LGR6: variants seen among roughly 807,000 people sequenced by gnomAD.
LGR6 encodes leucine-rich repeat-containing G protein-coupled receptor 6.
A neutral mutation model predicts 69.4 loss-of-function variants in LGR6; 45 were observed. That is an observed-to-expected ratio of 0.65 (90% CI 0.51 to 0.83). The LOEUF is 0.83. Among genes scored for constraint, LGR6 ranks in the 40% least tolerant of loss-of-function variants. The pLI, the probability that LGR6 is intolerant of heterozygous loss-of-function variation, is 0.00. For synonymous variants in LGR6, 538 were observed against 555.0 expected (o/e 0.97, Z 0.43); for missense variants, 1,108 against 1,246.7 (o/e 0.89, Z 1.68).
At chr1:202,291,909 C>T (rs912330880) in intron 6 of LGR6, among the ~76,000 whole-genome samples, 2 of 152,160 alleles carry the variant, frequency 1.3e-5, no homozygotes, top group South Asian at 2.1e-4. Flanking sequence ...ACGAAAATCC[C>T]AGAAAAGTTC....
intron 1 of LGR6, among the ~76,000 whole-genome samples, chr1:202,198,550 A>C (rs1658720196): frequency 6.6e-6 from 1 of 152,170 alleles, no homozygotes; most frequent in Non-Finnish European, 1.5e-5. Flanking sequence ...GAGGGAGGGA[A>C]GCAGTCCTGT....
At chr1:202,234,873 T>C (rs998736642) in intron 3 of LGR6, among the ~76,000 whole-genome samples, 1 of 152,160 alleles carries the variant, frequency 6.6e-6, no homozygotes, top group African/African-American at 2.4e-5. Context: ...AAAGGGGTAA[T>C]TGAGTCTCCT....
chr1:202,310,480 G>A (rs1310894174), intron 16 of LGR6, 123 bp downstream of exon 16: 9 of 911,608 alleles, frequency 9.9e-6, no homozygotes, highest in Middle Eastern at 3.4e-4. Context: ...CTACAGAGGT[G>A]GGAGGAGCTG....
intron 5 of LGR6, among the ~76,000 whole-genome samples, chr1:202,276,888 A>G (rs1050722670): frequency 2.6e-5 from 4 of 152,260 alleles, no homozygotes; most frequent in African/African-American, 9.7e-5. Context: ...TGACAATTAG[A>G]TGATGCAGTC....
At chr1:202,307,081 G>GCA (rs1487185971) in intron 13 of LGR6, 142 bp downstream of exon 13, 30 of 762,310 alleles carry the variant, frequency 3.9e-5, no homozygotes, top group Admixed American at 8.5e-5. Context: ...CCCACCCCCA[G>GCA]CACACACACA....
At chr1:202,274,603 A>C (rs1221524685) in intron 4 of LGR6, among the ~76,000 whole-genome samples, 5 of 152,206 alleles carry the variant, frequency 3.3e-5, no homozygotes, top group African/African-American at 1.2e-4. Context: ...CCTGGGAGTC[A>C]GGTTAAAATC....
chr1:202,278,263 T>C (rs1665741192), intron 5 of LGR6, among the ~76,000 whole-genome samples: 1 of 152,008 alleles, frequency 6.6e-6, no homozygotes. Context: ...AGGGAAGGCA[T>C]GACTGTGAGG....
rs559738268 is a variant in LGR6 at position 202,268,655 on chromosome 1, C to G, written c.429-7651C>G. Among the ~76,000 whole-genome samples the G allele has an allele frequency of 5.9e-5, 9 of 152,282 alleles. No individual in the cohort carries two copies. The highest frequency in any genetic ancestry group is 4.2e-4 in the South Asian group (2 of 4,818). The stretch of plus-strand genomic sequence containing the variant: ...AACCAGCCCTGGGGTCGGCCAGGAG[C>G]AAACAATCAGTAATCCTGTGTCAAA... On this transcript the variant is annotated intron_variant, in intron 4 of 17. Transcript: ENST00000367278. This position sits in a 1 kb window ranked among gnomAD's most constrained non-coding sequence, Gnocchi z 4.4.
intron 1 of LGR6, among the ~76,000 whole-genome samples, chr1:202,206,329 C>T (rs745490525): frequency 5.9e-5 from 9 of 152,176 alleles, no homozygotes; most frequent in African/African-American, 9.7e-5. Context: ...TACCTGGGGC[C>T]GATGAGAGCT....
intron 4 of LGR6, among the ~76,000 whole-genome samples, chr1:202,273,348 T>C (rs1665263010): frequency 6.6e-6 from 1 of 152,132 alleles, no homozygotes; most frequent in Non-Finnish European, 1.5e-5. Flanking sequence ...AATTTACCCA[T>C]TAGGAAGGCA....
In LGR6 at chr1:202,318,670, G is replaced by A. The variant is rs757594417; in HGVS notation, c.2367G>A (p.Val789=). Residue 789 remains valine, a synonymous_variant, in exon 18 of 18, where the codon GTG becomes GTA. Transcript: ENST00000367278. Reference sequence around the variant, plus strand: ...CAGACGGGCTCCTCTACTGTCCCGTGGCCTTCCTCAGCTTTGCCTCCATGC... The same window carrying A: ...CAGACGGGCTCCTCTACTGTCCCGTAGCCTTCCTCAGCTTTGCCTCCATGC... ...IFADGLLYCP[V]AFLSFASMLG... is the part of the protein sequence containing the mutation. 6.2e-7 allele frequency: 1 copy of A among 1,613,674 alleles called. No individual in the cohort carries two copies. The highest frequency in any genetic ancestry group is 8.5e-7 in the Non-Finnish European group (1 of 1,180,028).
chr1:202,287,166 T>C (rs907929213), intron 6 of LGR6, among the ~76,000 whole-genome samples: 4 of 152,200 alleles, frequency 2.6e-5, no homozygotes, highest in African/African-American at 9.7e-5. Flanking sequence ...ATTACCACTC[T>C]CTTTTCTTCT....
At chr1:202,295,870 AGTGTGTGTGTGT>A (rs10522809) in intron 6 of LGR6, among the ~76,000 whole-genome samples, 55,615 of 143,958 alleles carry the variant, frequency 0.39, 11,746 homozygotes, top group East Asian at 0.65. Context: ...TTGGGTAATT[AGTGTGTGTGTGT>A]GTGTGTGTGT....
At chr1:202,194,252 G>T (rs1658548395) in intron 1 of LGR6, 51 bp downstream of exon 1, 1 of 1,349,472 alleles carries the variant, frequency 7.4e-7, no homozygotes, top group East Asian at 2.6e-5. Flanking sequence ...GCTGGCTAGC[G>T]CCCAGTCCCG....
intron 17 of LGR6, among the ~76,000 whole-genome samples, chr1:202,317,430 C>T (rs552036815): frequency 1.3e-5 from 2 of 151,958 alleles, no homozygotes; most frequent in East Asian, 1.9e-4. Flanking sequence ...CTGCAACCTC[C>T]GTCCCCCGGG....
intron 4 of LGR6, among the ~76,000 whole-genome samples, chr1:202,252,424 T>C (rs531260064): frequency 6.6e-6 from 1 of 152,266 alleles, no homozygotes; most frequent in Non-Finnish European, 1.5e-5. Context: ...GCATCCTCAC[T>C]CTTTATAATT....
chr1:202,228,146 A>G, intron 3 of LGR6, 139 bp downstream of exon 3: 1 of 599,304 alleles, frequency 1.7e-6, no homozygotes, highest in Non-Finnish European at 2.9e-6. Flanking sequence ...TTCAATTGTT[A>G]TTTCCATTTC....
At chr1:202,213,876 G>T (rs1306878798) in intron 1 of LGR6, among the ~76,000 whole-genome samples, 3 of 152,190 alleles carry the variant, frequency 2.0e-5, no homozygotes, top group Non-Finnish European at 4.4e-5. Flanking sequence ...ATAAGGGCAG[G>T]CAGAGAACTC....
intron 1 of LGR6, chr1:202,214,235 C>G (rs1474923986): frequency 6.5e-7 from 1 of 1,542,334 alleles, no homozygotes; most frequent in Non-Finnish European, 8.7e-7. Flanking sequence ...GCGGTGCGCC[C>G]AGGTAGGCTT....
Sources: allele counts gnomAD v4.1 joint callset (sites outside exome capture counted in the v4.1 genomes callset), GRCh38; gene constraint gnomAD v4.1.1; non-coding constraint Gnocchi (gnomAD v3.1); transcripts MANE v1.5; gene names NCBI Gene and HGNC (gene_info 2026-07-23, HGNC 2026-07-21).